Variants in NKAIN3 observed in about 807,000 individuals in gnomAD.
NKAIN3 encodes the protein sodium/potassium transporting ATPase interacting 3.
NKAIN3 carries 25 observed loss-of-function variants against 30.2 expected under a neutral mutation model. The ratio of observed to expected loss-of-function variants is 0.83; its 90% CI spans 0.60 to 1.16. NKAIN3 has a LOEUF of 1.16. Among genes scored for constraint, NKAIN3 ranks in the 50% most tolerant of loss-of-function variants. The pLI, the probability that NKAIN3 is intolerant of heterozygous loss-of-function variation, is 0.00. For synonymous variants in NKAIN3, 91 were observed against 89.6 expected (o/e 1.02, Z -0.09); for missense variants, 225 against 254.1 (o/e 0.89, Z 0.78).
At chr8:62,787,012 G>A (rs16929568) in intron 4 of NKAIN3, among the ~76,000 whole-genome samples, 26,527 of 152,094 alleles carry the variant, frequency 0.17, 2,508 homozygotes, top group East Asian at 0.29. Flanking sequence ...GAATGGTTGA[G>A]TACAGGGATC....
Position 62,399,459 on chromosome 8 carries a change from C to T in NKAIN3, c.54+150332C>T, listed in dbSNP as rs370112779. 3.7e-3 allele frequency among the ~76,000 whole-genome samples: 570 copies of T among 152,182 alleles called. 2 individuals carry two copies. The highest frequency in any genetic ancestry group is 4.9e-3 in the African/African-American group (204 of 41,522). On this transcript the variant is annotated intron_variant, in intron 1 of 6. Transcript: ENST00000623646. ...AGGTGGAGGTTGCGTGAGCCAAGAT[C>T]GCGCCACTGCTCTCCAGCCCAGGTG...
intron 1 of NKAIN3, among the ~76,000 whole-genome samples, chr8:62,536,753 G>T (rs1333307709): frequency 6.6e-6 from 1 of 152,062 alleles, no homozygotes; most frequent in Non-Finnish European, 1.5e-5. Context: ...TGGGTTACTT[G>T]CCCATATTCT....
At chr8:62,584,896 G>A (rs1313177250) in intron 2 of NKAIN3, among the ~76,000 whole-genome samples, 1 of 152,176 alleles carries the variant, frequency 6.6e-6, no homozygotes, top group Non-Finnish European at 1.5e-5. Context: ...CTTCTGGAAG[G>A]CAGAACTGTG....
chr8:62,388,743 G>C (rs1817503585), intron 1 of NKAIN3, among the ~76,000 whole-genome samples: 1 of 152,158 alleles, frequency 6.6e-6, no homozygotes, highest in Non-Finnish European at 1.5e-5. Flanking sequence ...TTCAAACTGG[G>C]ATTTCAGCCG....
intron 1 of NKAIN3, among the ~76,000 whole-genome samples, chr8:62,252,236 G>A (rs1812129208): frequency 6.6e-6 from 1 of 152,108 alleles, no homozygotes; most frequent in South Asian, 2.1e-4. Flanking sequence ...AAAGGGGATG[G>A]CGTTGGGAGA....
chr8:62,281,944 A>G (rs1813209960), intron 1 of NKAIN3, among the ~76,000 whole-genome samples: 1 of 151,964 alleles, frequency 6.6e-6, no homozygotes, highest in African/African-American at 2.4e-5. Context: ...TTCCTCTCAC[A>G]TCTCATGTCC....
intron 1 of NKAIN3, among the ~76,000 whole-genome samples, chr8:62,291,108 A>T (rs1480533418): frequency 1.3e-5 from 2 of 151,718 alleles, no homozygotes; most frequent in Non-Finnish European, 2.9e-5. Flanking sequence ...TTTTTATTGC[A>T]TCTATTTGAT....
chr8:62,381,048 T>G (rs1216066446), intron 1 of NKAIN3, among the ~76,000 whole-genome samples: 1 of 152,216 alleles, frequency 6.6e-6, no homozygotes, highest in Non-Finnish European at 1.5e-5. Flanking sequence ...AAAATATCAA[T>G]TACTTAGTTT....
chr8:62,990,119 T>C (rs1269631198), intron 5 of NKAIN3: 2 of 884,390 alleles, frequency 2.3e-6, no homozygotes, highest in Non-Finnish European at 3.5e-6. Flanking sequence ...TCTAATAAGA[T>C]CAATTTAAAT....
chr8:62,345,298 T>C lies in NKAIN3; in HGVS notation c.54+96171T>C, dbSNP rs569103200. ...ACATATACACGCACATATACACACA[T>C]ATATATGTATATATACACACATATA... On this transcript the variant is annotated intron_variant, in intron 1 of 6. Coordinates refer to ENST00000623646, the MANE Select transcript of NKAIN3 (RefSeq NM_001304533.3). Among the ~76,000 whole-genome samples, 133 of 131,844 alleles carry C rather than the reference T, an allele frequency of 1.0e-3. 1 individual carries two copies. The highest frequency in any genetic ancestry group is 2.1e-3 in the Admixed American group (26 of 12,330). The allele number at this position is 131,844 out of a possible 152,430, so 86.5% of individuals were successfully genotyped here.
chr8:62,964,945 T>C (rs550356933), intron 6 of NKAIN3, among the ~76,000 whole-genome samples: 8 of 152,280 alleles, frequency 5.3e-5, no homozygotes, highest in African/African-American at 1.9e-4. Context: ...AAGTCAATGA[T>C]TGGGTGTTAT....
chr8:62,267,342 T>G (rs1186796566), intron 1 of NKAIN3, among the ~76,000 whole-genome samples: 1 of 152,218 alleles, frequency 6.6e-6, no homozygotes, highest in African/African-American at 2.4e-5. Flanking sequence ...TTTGTTTCCT[T>G]TTTAATAGAT....
At chr8:62,594,318 T>C (rs1401248017) in intron 3 of NKAIN3, among the ~76,000 whole-genome samples, 5 of 152,082 alleles carry the variant, frequency 3.3e-5, no homozygotes, top group Non-Finnish European at 5.9e-5. Flanking sequence ...TTGACATCTA[T>C]GTTTTAGCAG....
intron 3 of NKAIN3, among the ~76,000 whole-genome samples, chr8:62,675,843 C>T (rs540561610): frequency 1.8e-4 from 28 of 152,260 alleles, no homozygotes; most frequent in Admixed American, 6.5e-4. Flanking sequence ...ACCATGCCTT[C>T]TAGTATGGAC....
intron 1 of NKAIN3, among the ~76,000 whole-genome samples, chr8:62,578,792 G>T (rs907148805): frequency 6.6e-6 from 1 of 151,850 alleles, no homozygotes; most frequent in Non-Finnish European, 1.5e-5. Flanking sequence ...ATCACAGAAA[G>T]ACAAAGTTCA....
In NKAIN3 at chr8:62,975,859, T is replaced by A. The variant is rs1293533026; in HGVS notation, c.*10452T>A. ...TTCTAAGCACTCCCTCTAAGCTCTATCCCAGAGATTCTGGTACATTGTGTC... is the reference window on the plus strand; with the variant it reads ...TTCTAAGCACTCCCTCTAAGCTCTAACCCAGAGATTCTGGTACATTGTGTC... On this transcript the variant is annotated 3_prime_UTR_variant, in exon 7 of 7. Coordinates refer to ENST00000623646, the MANE Select transcript of NKAIN3 (RefSeq NM_001304533.3). 6.6e-6 allele frequency among the ~76,000 whole-genome samples: 1 copy of A among 152,238 alleles called. No homozygotes were observed. Among genetic ancestry groups the A allele is most frequent in the Non-Finnish European group, 1.5e-5 (1 of 68,042 alleles).
At chr8:62,667,990 C>T (rs1813180128) in intron 3 of NKAIN3, among the ~76,000 whole-genome samples, 1 of 152,150 alleles carries the variant, frequency 6.6e-6, no homozygotes, top group Admixed American at 6.6e-5. Flanking sequence ...CGCATCTCCT[C>T]TGTCTTCCCA....
At chr8:62,904,230 A>G (rs568652105) in intron 4 of NKAIN3, among the ~76,000 whole-genome samples, 136 of 152,290 alleles carry the variant, frequency 8.9e-4, no homozygotes, top group Middle Eastern at 6.8e-3. Context: ...AAACTGCTGT[A>G]TCAGTTCAAC....
At chr8:62,718,107 C>T (rs998713904) in intron 3 of NKAIN3, among the ~76,000 whole-genome samples, 5 of 152,152 alleles carry the variant, frequency 3.3e-5, no homozygotes, top group African/African-American at 4.8e-5. Context: ...TCTCATGAGA[C>T]TTATTCACCA....
Sources: allele counts gnomAD v4.1 joint callset (sites outside exome capture counted in the v4.1 genomes callset), GRCh38; gene constraint gnomAD v4.1.1; transcripts MANE v1.5; gene names NCBI Gene and HGNC (gene_info 2026-07-23, HGNC 2026-07-21).